EIF4A2: variants seen among roughly 807,000 people sequenced by gnomAD.
EIF4A2 encodes the protein eukaryotic translation initiation factor 4A2, also known as eukaryotic initiation factor 4A-II.
EIF4A2 carries 9 observed loss-of-function variants against 50.6 expected under a neutral mutation model. That is an observed-to-expected ratio of 0.18 (90% CI 0.11 to 0.31). The LOEUF is 0.31. Ranked by LOEUF, EIF4A2 falls within the 10% of genes least tolerant of loss-of-function variation. The pLI is 1.00. For missense variants in EIF4A2, 182 were observed against 501.8 expected, an observed-to-expected ratio of 0.36 and a Z score of 6.09; for synonymous variants, 215 against 164.4, an observed-to-expected ratio of 1.31 and a Z score of -2.35.
At chr3:186,789,093 GAA>G (rs1560087573) in intron 10 of EIF4A2, 30 bp from the exon 11 acceptor site, 1 of 1,606,256 alleles carries the variant, frequency 6.2e-7, no homozygotes, top group Admixed American at 1.7e-5. Context: ...CATTATGTGA[GAA>G]GTAACGTTCT....
Position 186,784,707 on chromosome 3 carries a change from C to G in EIF4A2, c.208+11C>G. On this transcript the variant is annotated intron_variant, in intron 3 of 10. Coordinates refer to ENST00000323963, the MANE Select transcript of EIF4A2 (RefSeq NM_001967.4). ...TTCCCTGTATTAAAGGTAAAAGAAA[C>G]TGGCATTTTTAGGAAATTGTTCTAC... is the stretch of plus-strand genomic sequence containing the variant. The G allele has an allele frequency of 6.2e-7, 1 of 1,612,354 alleles. No homozygotes were observed. The highest frequency in any genetic ancestry group is 8.5e-7 in the Non-Finnish European group (1 of 1,179,106).
rs1246351233 is a variant in EIF4A2, at chr3:186,789,566, C to A, written c.*297C>A. On this transcript the variant is annotated 3_prime_UTR_variant, in exon 11 of 11. Transcript: ENST00000323963. Reference sequence around the variant, plus strand: ...TGTAGAAATGGTTGTATTAGATGTTCTCTATCATTTAATAATATACTTGTG... The same window carrying A: ...TGTAGAAATGGTTGTATTAGATGTTATCTATCATTTAATAATATACTTGTG... 2.9e-6 allele frequency: 1 copy of A among 340,928 alleles called. No homozygotes were observed. The highest frequency in any genetic ancestry group is 2.1e-5 in the African/African-American group (1 of 47,588). 21.1% of individuals were successfully genotyped at this position (340,928 alleles called of 1,614,324 possible).
chr3:186,788,960 A>G, intron 10 of EIF4A2, 165 bp from the exon 11 acceptor site: 1 of 985,826 alleles, frequency 1.0e-6, no homozygotes, highest in Non-Finnish European at 1.4e-6. Context: ...ACTGCAAAGG[A>G]AGATTTTTTT....
At chr3:186,785,205 C>T (rs1424373855) in intron 4 of EIF4A2, 104 bp downstream of exon 4, 32 of 1,507,608 alleles carry the variant, frequency 2.1e-5, no homozygotes, top group African/African-American at 2.8e-5. Flanking sequence ...CCTACCAGAT[C>T]CCTCCTTTTA....
chr3:186,786,431 C>T (rs1408900231), intron 6 of EIF4A2, 71 bp from the exon 7 acceptor site: 1 of 1,578,434 alleles, frequency 6.3e-7, no homozygotes. Flanking sequence ...GACAGAGACG[C>T]TTGGCTTCAG....
At chr3:186,789,062 C>T (rs995523748) in intron 10 of EIF4A2, 63 bp from the exon 11 acceptor site, 24 of 1,527,266 alleles carry the variant, frequency 1.6e-5, no homozygotes, top group Middle Eastern at 3.5e-4. Context: ...ACAAGTGGAT[C>T]GTCATGTTCA....
In EIF4A2 at chr3:186,789,876, T is replaced by C. The variant is rs1560088357; in HGVS notation, c.*607T>C. The C allele has an allele frequency of 1.1e-5, 9 of 806,784 alleles. No individual in the cohort carries two copies. The highest frequency in any genetic ancestry group is 1.8e-5 in the Non-Finnish European group (9 of 503,422). The allele number at this position is 806,784 out of a possible 1,614,324, so 50.0% of individuals were successfully genotyped here. The stretch of plus-strand genomic sequence containing the variant: ...GTCTTAATGAAGTTTGAATGTTAAA[T>C]AAATTGTATATTCACTTTAAAGGTG... On this transcript the variant is annotated 3_prime_UTR_variant, in exon 11 of 11. Transcript: ENST00000323963.
intron 1 of EIF4A2, chr3:186,783,936 C>T: frequency 4.0e-6 from 2 of 500,508 alleles, no homozygotes; most frequent in Non-Finnish European, 7.2e-6. Flanking sequence ...AGCCGTGGCG[C>T]AGTCCGAGTT....
chr3:186,786,399 GTC>G, intron 6 of EIF4A2, 101 bp from the exon 7 acceptor site: 1 of 1,541,774 alleles, frequency 6.5e-7, no homozygotes, highest in Non-Finnish European at 8.8e-7. Context: ...GCATAACTCT[GTC>G]TACCTTCATT....
chr3:186,787,388 C>CT, intron 8 of EIF4A2, 107 bp from the exon 9 acceptor site: 1 of 1,606,712 alleles, frequency 6.2e-7, no homozygotes, highest in Non-Finnish European at 8.5e-7. Flanking sequence ...CTATACCTGT[C>CT]TGCTATTCTC....
At position 186,788,436 on chromosome 3, in the gene EIF4A2, TTTC is replaced by T. The variant is rs1721901232; in HGVS notation, c.1079+557_1079+559del. The T allele has an allele frequency of 5.2e-5, 64 of 1,239,588 alleles. 1 individual carries two copies. The South Asian group carries it at 8.6e-4, about 17-fold the overall frequency. 76.8% of individuals were successfully genotyped at this position (1,239,588 alleles called of 1,614,324 possible). Reference sequence around the variant, plus strand: ...GAGCGAGTCGGTATTTATATTTGTTTTTCTTTTGTCATGATTATTTGATTTTTA... The same window carrying T: ...GAGCGAGTCGGTATTTATATTTGTTTTTTTGTCATGATTATTTGATTTTTA... On this transcript the variant is annotated intron_variant, in intron 10 of 10. Coordinates refer to ENST00000323963, the MANE Select transcript of EIF4A2 (RefSeq NM_001967.4).
intron 10 of EIF4A2, 102 bp from the exon 11 acceptor site, chr3:186,789,023 C>T (rs1721965481): frequency 6.8e-7 from 1 of 1,474,772 alleles, no homozygotes; most frequent in Non-Finnish European, 9.0e-7. Flanking sequence ...GAACTATAAC[C>T]TTGATAAGTA....
chr3:186,786,159 A>G lies in EIF4A2; in HGVS notation c.518-5A>G, dbSNP rs762479642. On this transcript the variant is annotated splice_polypyrimidine_tract_variant and splice_region_variant and intron_variant, in intron 5 of 10. Transcript: ENST00000323963. ...GAAATGACAGTATGACTTTGTTTCT[A>G]ACAGCTCCAAAATGGATCAAAATGT... The G allele has an allele frequency of 3.1e-6, 5 of 1,612,752 alleles. No homozygotes were observed. Among genetic ancestry groups the G allele is most frequent in the Non-Finnish European group, 4.2e-6 (5 of 1,179,080 alleles).
Position 186,784,788 on chromosome 3 carries a change from A to G in EIF4A2, c.208+92A>G, listed in dbSNP as rs1487431532. On this transcript the variant is annotated intron_variant, in intron 3 of 10. Transcript: ENST00000323963. ...CTCTGGGGGACTAGCACCTGTTTGT[A>G]TTCCTTAAAGTGAAATGATGGCAAT... 9.3e-6 allele frequency: 15 copies of G among 1,604,664 alleles called. No homozygotes were observed. The African/African-American group carries it at 1.1e-4, about 11-fold the overall frequency.
chr3:186,787,595 T>G lies in EIF4A2; in HGVS notation c.999+11T>G, dbSNP rs767273225. The G allele has an allele frequency of 1.9e-6, 3 of 1,613,872 alleles. 1 individual carries two copies. The South Asian group carries it at 3.3e-5, about 18-fold the overall frequency. On this transcript the variant is annotated intron_variant, in intron 9 of 10. Transcript: ENST00000323963. ...ACTACTGACTTGTTGGTAAGTCTCT[T>G]AATGCTTTTTAAAAATCTACCAAAA...
chr3:186,783,763 C>T (rs957246975), intron 1 of EIF4A2, 124 bp downstream of exon 1: 5 of 1,480,236 alleles, frequency 3.4e-6, no homozygotes, highest in Non-Finnish European at 4.7e-6. Flanking sequence ...TACAGCACTC[C>T]TGTGCCCTTC....
chr3:186,784,614 G>A lies in EIF4A2; in HGVS notation c.126G>A (p.Glu42=). ...ACTTTGATGATATGAATTTAAAGGA[G>A]TCTCTCCTTCGTGGCATCTATGCTT... ...VDNFDDMNLK[E]SLLRGIYAYG... The change falls in exon 3 of 11, where the codon GAG becomes GAA. Residue 42 remains glutamate, a synonymous_variant. Transcript: ENST00000323963. 2 of 1,614,226 alleles carry A rather than the reference G, an allele frequency of 1.2e-6. No homozygotes were observed. Among genetic ancestry groups the A allele is most frequent in the Non-Finnish European group, 1.7e-6 (2 of 1,180,042 alleles).
intron 7 of EIF4A2, 67 bp downstream of exon 7, chr3:186,786,712 C>T (rs757643215): frequency 4.4e-6 from 7 of 1,601,172 alleles, no homozygotes; most frequent in Admixed American, 1.7e-5. Flanking sequence ...ATTGCAGACA[C>T]TAGGACCATG....
rs1264741044 is a variant in EIF4A2 at position 186,787,902 on chromosome 3, G to A, written c.1079+20G>A. 2 of 1,610,784 alleles carry A rather than the reference G, an allele frequency of 1.2e-6. No homozygotes were observed. Among genetic ancestry groups the A allele is most frequent in the South Asian group, 2.2e-5 (2 of 90,542 alleles). ...TCACAGGTGAGAAGCCAGCATCTTG[G>A]CTGTATTGAAAAAAATTCATACGTT... On this transcript the variant is annotated intron_variant, in intron 10 of 10. Coordinates refer to ENST00000323963, the MANE Select transcript of EIF4A2 (RefSeq NM_001967.4).
Sources: allele counts gnomAD v4.1 joint callset, GRCh38; gene constraint gnomAD v4.1.1; transcripts MANE v1.5; gene names NCBI Gene and HGNC (gene_info 2026-07-23, HGNC 2026-07-21).